Variants in ZBBX observed in about 807,000 individuals in gnomAD.
The protein encoded by ZBBX is zinc finger B-box domain containing, also known as zinc finger B-box domain-containing protein 1.
A neutral mutation model predicts 108.5 loss-of-function variants in ZBBX; 101 were observed. The ratio of observed to expected loss-of-function variants is 0.93; its 90% CI spans 0.79 to 1.10. The LOEUF is 1.10. Among genes scored for constraint, ZBBX ranks in the 50% least tolerant of loss-of-function variants. The probability of loss-of-function intolerance (pLI) is 0.00; values close to 1 mark genes in which losing one functional copy is unlikely to be tolerated. For synonymous variants in ZBBX, 356 were observed against 323.4 expected (o/e 1.10, Z -1.08); for missense variants, 1,009 against 941.4 (o/e 1.07, Z -0.94).
At chr3:167,317,659 A>G (rs1161459056) in intron 12 of ZBBX, 62 bp from the exon 13 acceptor site, 1 of 1,091,198 alleles carries the variant, frequency 9.2e-7, no homozygotes, top group Non-Finnish European at 1.3e-6. Context: ...TTTCCCAGAC[A>G]AGCTCTTGAT....
chr3:167,359,914 T>G lies in ZBBX; in HGVS notation c.388A>C (p.Asn130His), dbSNP rs761989421. The change falls in exon 8 of 22, where the codon AAT (asparagine) becomes CAT (histidine). Residue 130 changes from asparagine (N) to histidine (H), a missense_variant. Asn to His is a moderately conservative substitution (Grantham distance 68). Transcript: ENST00000675490. ...NSSECEKPKI[N>H]GKVCGQCENK... ...TCACACTGTCCACATACTTTCCCATTTATCTTGGGTTTTTCACATTCTGAA... is the reference window on the plus strand; with the variant it reads ...TCACACTGTCCACATACTTTCCCATGTATCTTGGGTTTTTCACATTCTGAA... 3.2e-6 allele frequency: 5 copies of G among 1,579,484 alleles called. No homozygotes were observed. In the African/African-American group the frequency reaches 6.8e-5, roughly 21 times the overall value.
Position 167,283,884 on chromosome 3 carries a change from G to A in ZBBX, c.1997-1389C>T, listed in dbSNP as rs559071433. ...TCTTGATCTCCAGACTTCATGATCC[G>A]CCTGCCTCAGCCTACCAAAGTGGAG... On this transcript the variant is annotated intron_variant, in intron 19 of 21. Coordinates refer to ENST00000675490, the MANE Select transcript of ZBBX (RefSeq NM_001199201.2). Among the ~76,000 whole-genome samples the A allele has an allele frequency of 7.3e-4, 111 of 152,046 alleles. 1 individual carries two copies. Among genetic ancestry groups the A allele is most frequent in the Middle Eastern group, 3.4e-3 (1 of 294 alleles).
intron 20 of ZBBX, among the ~76,000 whole-genome samples, chr3:167,276,591 A>G (rs1301879589): frequency 6.6e-6 from 1 of 152,226 alleles, no homozygotes; most frequent in Admixed American, 6.5e-5. Context: ...ATATGGGACT[A>G]TGTGAAAAGA....
At chr3:167,353,190 T>C (rs1209030622) in intron 8 of ZBBX, among the ~76,000 whole-genome samples, 3 of 152,158 alleles carry the variant, frequency 2.0e-5, no homozygotes, top group African/African-American at 7.2e-5. Flanking sequence ...ATTATTTATG[T>C]TTGCTAATGA....
chr3:167,378,999 A>T (rs1577132516), intron 2 of ZBBX, among the ~76,000 whole-genome samples: 1 of 152,284 alleles, frequency 6.6e-6, no homozygotes, highest in East Asian at 1.9e-4. Context: ...CCTACCATTG[A>T]CCTTTGAAAC....
intron 20 of ZBBX, among the ~76,000 whole-genome samples, chr3:167,244,754 A>G (rs2108321968): frequency 6.6e-6 from 1 of 152,316 alleles, no homozygotes; most frequent in Non-Finnish European, 1.5e-5. Flanking sequence ...AAAAGTTACA[A>G]CTGGCAAGTC....
intron 9 of ZBBX, among the ~76,000 whole-genome samples, chr3:167,348,917 G>A (rs1742173135): frequency 6.6e-6 from 1 of 151,944 alleles, no homozygotes. Context: ...CGTTTAGAAA[G>A]CATACTGTAT....
At chr3:167,400,900 A>G (rs1240263337) in intron 1 of ZBBX, among the ~76,000 whole-genome samples, 1 of 152,132 alleles carries the variant, frequency 6.6e-6, no homozygotes, top group African/African-American at 2.4e-5. Flanking sequence ...AGGCAATAAC[A>G]TATGCATTTA....
chr3:167,314,526 T>G (rs1163142278), intron 15 of ZBBX, among the ~76,000 whole-genome samples: 2 of 152,202 alleles, frequency 1.3e-5, no homozygotes, highest in African/African-American at 2.4e-5. Flanking sequence ...AAGCAGTATG[T>G]GATATTTAGG....
chr3:167,181,813 A>G, the ZBBX span, among the ~76,000 whole-genome samples: 5 of 152,122 alleles, frequency 3.3e-5, no homozygotes, highest in Admixed American at 6.5e-5. Flanking sequence ...TTTAAACTAG[A>G]CCTACCTAGA....
intron 1 of ZBBX, among the ~76,000 whole-genome samples, chr3:167,406,198 T>C (rs1331398537): frequency 6.6e-6 from 1 of 152,214 alleles, no homozygotes; most frequent in African/African-American, 2.4e-5. Flanking sequence ...AGCAGTACTG[T>C]CTGTGTGAAT....
intron 1 of ZBBX, among the ~76,000 whole-genome samples, chr3:167,402,592 G>A (rs368629108): frequency 6.6e-6 from 1 of 151,912 alleles, no homozygotes; most frequent in South Asian, 2.1e-4. Context: ...GGACTCACGC[G>A]CAAGGGAAAA....
chr3:167,396,244 G>A (rs1189739409), intron 1 of ZBBX, among the ~76,000 whole-genome samples: 1 of 151,970 alleles, frequency 6.6e-6, no homozygotes, highest in Non-Finnish European at 1.5e-5. Context: ...CCCTGGCTCT[G>A]TGTCAGCTAC....
chr3:167,374,601 G>T (rs914839578), intron 2 of ZBBX, among the ~76,000 whole-genome samples: 2 of 152,074 alleles, frequency 1.3e-5, no homozygotes, highest in Admixed American at 1.3e-4. Flanking sequence ...ATTTATTAAG[G>T]TTCTGCTATA....
intron 20 of ZBBX, among the ~76,000 whole-genome samples, chr3:167,276,865 A>C (rs1165812590): frequency 6.6e-6 from 1 of 152,212 alleles, no homozygotes; most frequent in Non-Finnish European, 1.5e-5. Context: ...TTACCCTCAA[A>C]GGGAAGCCCA....
At chr3:167,245,031 CCAAT>C (rs1294874938) in intron 20 of ZBBX, among the ~76,000 whole-genome samples, 4 of 152,126 alleles carry the variant, frequency 2.6e-5, no homozygotes, top group African/African-American at 4.8e-5. Context: ...AGAATGAGAA[CCAAT>C]CAGAGAGGCT....
chr3:167,322,126 T>C lies in ZBBX; in HGVS notation c.974A>G (p.Lys325Arg), dbSNP rs765589502. 1 of 1,303,182 alleles carries C rather than the reference T, an allele frequency of 7.7e-7. No homozygotes were observed. Among genetic ancestry groups the C allele is most frequent in the Admixed American group, 2.8e-5 (1 of 35,852 alleles). The allele number at this position is 1,303,182 out of a possible 1,614,324, so 80.7% of individuals were successfully genotyped here. ...TAATTTCAGAAAATACCTCCTGTGT[T>C]TTTTAAGCCATAATTTTTCCATATA... ...LSYMEKLWLK[K>R]HRRTPQEQLF... is the part of the protein sequence containing the mutation. Residue 325 changes from lysine to arginine, a missense_variant, in exon 12 of 22, where the codon AAA (lysine) becomes AGA (arginine). Coordinates refer to ENST00000675490, the MANE Select transcript of ZBBX (RefSeq NM_001199201.2).
chr3:167,291,971 A>G (rs1730771212), intron 18 of ZBBX, among the ~76,000 whole-genome samples: 1 of 152,220 alleles, frequency 6.6e-6, no homozygotes, highest in Non-Finnish European at 1.5e-5. Context: ...GCCATTACAT[A>G]ATGGTAAAGG....
upstream of ZBBX, among the ~76,000 whole-genome samples, chr3:167,383,624 G>A (rs1383457580): frequency 6.6e-6 from 1 of 151,902 alleles, no homozygotes. Flanking sequence ...ATAACACAAG[G>A]CAATTATTAC....
Sources: allele counts gnomAD v4.1 joint callset (sites outside exome capture counted in the v4.1 genomes callset), GRCh38; gene constraint gnomAD v4.1.1; transcripts MANE v1.5; gene names NCBI Gene and HGNC (gene_info 2026-07-23, HGNC 2026-07-21).